The following PBX3 variants were observed in gnomAD, a reference collection of about 807,000 sequenced individuals.
The protein encoded by PBX3 is pre-B-cell leukemia transcription factor 3.
Under a neutral mutation model 48.5 loss-of-function variants are expected in PBX3, and 14 were observed. The observed-to-expected ratio is 0.29, with a 90% CI of 0.19 to 0.45. The LOEUF is 0.45. PBX3 is among the 20% of genes least tolerant of loss of function. The pLI, the probability that PBX3 is intolerant of heterozygous loss-of-function variation, is 1.00. For missense variants in PBX3, 386 were observed against 546.7 expected, an observed-to-expected ratio of 0.71 and a Z score of 2.93; for synonymous variants, 210 against 200.3, an observed-to-expected ratio of 1.05 and a Z score of -0.41.
intron 2 of PBX3, among the ~76,000 whole-genome samples, chr9:125,754,848 A>T (rs1262712511): frequency 6.6e-6 from 1 of 152,120 alleles, no homozygotes; most frequent in African/African-American, 2.4e-5. Context: ...TGTCTACGTA[A>T]TAGTAACAGG....
Position 125,747,373 on chromosome 9 carries a change from C to G in PBX3, c.-81C>G. 1 of 343,654 alleles carries G rather than the reference C, an allele frequency of 2.9e-6. No individual in the cohort carries two copies. The highest frequency in any genetic ancestry group is 2.5e-5 in the African/African-American group (1 of 39,410). The allele number at this position is 343,654 out of a possible 1,614,324, so 21.3% of individuals were successfully genotyped here. A position where few individuals can be genotyped will look rare whatever the true frequency, so the allele number is the denominator to read the frequency against. ...CCCCCTCCCCCTCCCCCTCTTTCTT[C>G]TCCTCCCTCGTCGCCGCCGCCGCCG... On this transcript the variant is annotated 5_prime_UTR_variant, in exon 1 of 9. Transcript: ENST00000373489.
intron 5 of PBX3, among the ~76,000 whole-genome samples, chr9:125,940,952 A>G (rs894313853): frequency 2.0e-5 from 3 of 152,086 alleles, no homozygotes; most frequent in Non-Finnish European, 4.4e-5. Flanking sequence ...TTTTTTGTAT[A>G]TTTTTATTTT....
At chr9:125,891,208 T>C (rs1409884837) in intron 2 of PBX3, among the ~76,000 whole-genome samples, 2 of 152,258 alleles carry the variant, frequency 1.3e-5, no homozygotes, top group Non-Finnish European at 2.9e-5. Context: ...TGACATTTGC[T>C]TCCTTGGCCT....
chr9:125,834,744 G>C (rs1286395519), intron 2 of PBX3, among the ~76,000 whole-genome samples: 1 of 150,676 alleles, frequency 6.6e-6, no homozygotes, highest in Non-Finnish European at 1.5e-5. Context: ...AGCTGGGCAT[G>C]GTGGCTCATG....
intron 2 of PBX3, among the ~76,000 whole-genome samples, chr9:125,863,161 G>A (rs759873827): frequency 2.0e-4 from 30 of 151,382 alleles, no homozygotes; most frequent in Non-Finnish European, 1.9e-4. Flanking sequence ...GCCTCCCAAA[G>A]TGCTGGAATT....
intron 2 of PBX3, among the ~76,000 whole-genome samples, chr9:125,899,360 AAT>A (rs201185950): frequency 1.9e-5 from 2 of 107,552 alleles, no homozygotes; most frequent in African/African-American, 8.1e-5. Context: ...TTTTTATATA[AAT>A]ATATACATAT....
intron 2 of PBX3, among the ~76,000 whole-genome samples, chr9:125,817,888 A>G (rs117145351): frequency 1.4e-4 from 22 of 152,340 alleles, no homozygotes; most frequent in East Asian, 7.7e-4. Flanking sequence ...ATGATGGACC[A>G]TTCACAAAGT....
At chr9:125,818,383 G>A (rs1208067455) in intron 2 of PBX3, among the ~76,000 whole-genome samples, 1 of 149,452 alleles carries the variant, frequency 6.7e-6, no homozygotes, top group African/African-American at 2.5e-5. Flanking sequence ...CACCCAGGAT[G>A]GAGTGCAGTG....
chr9:125,956,279 T>G (rs17352634), intron 5 of PBX3, among the ~76,000 whole-genome samples: 1,586 of 152,300 alleles, frequency 0.01, 5 homozygotes, highest in Non-Finnish European at 0.014. Flanking sequence ...GAAACCGGAT[T>G]CTGAGTCCAA....
chr9:125,780,685 G>T (rs1416918488), intron 2 of PBX3, among the ~76,000 whole-genome samples: 1 of 124,896 alleles, frequency 8.0e-6, no homozygotes, highest in South Asian at 2.7e-4. Flanking sequence ...CTGGCCGGGC[G>T]GGGGGCTGAC....
Position 125,772,077 on chromosome 9 carries a change from C to T in PBX3, c.274+23454C>T, listed in dbSNP as rs544118563. Among the ~76,000 whole-genome samples the T allele has an allele frequency of 7.2e-5, 11 of 152,302 alleles. No homozygotes were observed. In the South Asian group the frequency reaches 2.3e-3, roughly 32 times the overall value. On this transcript the variant is annotated intron_variant, in intron 2 of 8. Transcript: ENST00000373489. ...CCTCTTAGTACATTTGAAGCATGTA[C>T]TGCCTAATTCAAAGTGAATCTTTCT...
At chr9:125,850,878 A>G (rs1193679038) in intron 2 of PBX3, among the ~76,000 whole-genome samples, 1 of 152,208 alleles carries the variant, frequency 6.6e-6, no homozygotes, top group East Asian at 1.9e-4. Flanking sequence ...TAAAGAGCCG[A>G]CAGCCAAATG....
chr9:125,936,238 A>G (rs1841833064), intron 5 of PBX3, among the ~76,000 whole-genome samples: 1 of 152,236 alleles, frequency 6.6e-6, no homozygotes, highest in Admixed American at 6.5e-5. Flanking sequence ...TTTTAGTCAG[A>G]TAGACTGGTA....
intron 2 of PBX3, among the ~76,000 whole-genome samples, chr9:125,758,062 T>G (rs1458015324): frequency 6.6e-6 from 1 of 152,226 alleles, no homozygotes; most frequent in African/African-American, 2.4e-5. Context: ...GAGGATGTCC[T>G]TAGGAACTTA....
chr9:125,808,732 A>G (rs897994577), intron 2 of PBX3, among the ~76,000 whole-genome samples: 1 of 152,190 alleles, frequency 6.6e-6, no homozygotes, highest in East Asian at 1.9e-4. Context: ...TATTGTTTCT[A>G]GAAGAAATAC....
chr9:125,829,927 T>C (rs1838910814), intron 2 of PBX3, among the ~76,000 whole-genome samples: 1 of 152,178 alleles, frequency 6.6e-6, no homozygotes, highest in Admixed American at 6.5e-5. Context: ...CATTTACACA[T>C]TAGTTACCCA....
chr9:125,818,829 A>T (rs1838557774), intron 2 of PBX3, among the ~76,000 whole-genome samples: 1 of 151,844 alleles, frequency 6.6e-6, no homozygotes, highest in Non-Finnish European at 1.5e-5. Context: ...GAAGATGATG[A>T]TGATGATGAT....
intron 2 of PBX3, among the ~76,000 whole-genome samples, chr9:125,914,086 T>C (rs1841268710): frequency 2.0e-5 from 3 of 152,196 alleles, no homozygotes; most frequent in African/African-American, 7.2e-5. Context: ...TACATGGCAG[T>C]TCTAGAACAA....
At chr9:125,949,257 G>C in intron 5 of PBX3, 1 of 1,259,672 alleles carries the variant, frequency 7.9e-7, no homozygotes. Context: ...TTGCTCAGGG[G>C]ATTCAGGGGT....
Sources: gnomAD v4.1 joint callset for allele counts (sites outside exome capture counted in the v4.1 genomes callset) on GRCh38, gnomAD v4.1.1 for gene constraint, MANE v1.5 for transcripts, NCBI Gene and HGNC (gene_info 2026-07-23, HGNC 2026-07-21) for gene names.